The following ZRANB3 variants were observed in gnomAD, a reference collection of about 807,000 sequenced individuals.
ZRANB3 encodes DNA annealing helicase and endonuclease ZRANB3.
In ZRANB3, 125 loss-of-function variants were observed where a neutral mutation model predicts 133.8. That is an observed-to-expected ratio of 0.93 (90% CI 0.81 to 1.08). The LOEUF is 1.08. Among genes scored for constraint, ZRANB3 ranks in the 50% least tolerant of loss-of-function variants. The pLI is 0.00. For synonymous variants in ZRANB3, 387 were observed against 432.7 expected (o/e 0.89, Z 1.31); for missense variants, 1,229 against 1,275.5 (o/e 0.96, Z 0.56).
intron 2 of ZRANB3, among the ~76,000 whole-genome samples, chr2:135,485,169 AAAAC>A (rs1559030613): frequency 1.3e-5 from 2 of 149,552 alleles, no homozygotes; most frequent in African/African-American, 5.0e-5. Flanking sequence ...AAAACAAAAC[AAAAC>A]AAAACAAAAC....
At chr2:135,490,185 C>T (rs930041076) in intron 2 of ZRANB3, among the ~76,000 whole-genome samples, 1 of 152,082 alleles carries the variant, frequency 6.6e-6, no homozygotes, top group South Asian at 2.1e-4. Context: ...GAATTTCTTA[C>T]CCCACAGATG....
intron 2 of ZRANB3, among the ~76,000 whole-genome samples, chr2:135,442,703 TC>T: frequency 6.6e-6 from 1 of 152,252 alleles, no homozygotes; most frequent in Non-Finnish European, 1.5e-5. Context: ...TGGGTATATA[TC>T]CAAAGGATTA....
chr2:135,409,359 G>A (rs933833699), intron 2 of ZRANB3, among the ~76,000 whole-genome samples: 1 of 152,032 alleles, frequency 6.6e-6, no homozygotes, highest in African/African-American at 2.4e-5. Flanking sequence ...CAATATCACT[G>A]CATAAACAGA....
chr2:135,298,934 G>A (rs537444128), intron 8 of ZRANB3, among the ~76,000 whole-genome samples: 2 of 152,250 alleles, frequency 1.3e-5, no homozygotes, highest in Admixed American at 1.3e-4. Flanking sequence ...AATGGCTTGA[G>A]TTGGCTGGCC....
intron 2 of ZRANB3, among the ~76,000 whole-genome samples, chr2:135,428,911 TG>T (rs1476353798): frequency 6.6e-6 from 1 of 152,110 alleles, no homozygotes; most frequent in African/African-American, 2.4e-5. Context: ...TGAAGAGAAA[TG>T]GGAGTATTTA....
At chr2:135,488,222 C>T (rs1264480261) in intron 2 of ZRANB3, among the ~76,000 whole-genome samples, 1 of 152,122 alleles carries the variant, frequency 6.6e-6, no homozygotes, top group Non-Finnish European at 1.5e-5. Flanking sequence ...TGGTATCATT[C>T]ATGGTACCCC....
intron 2 of ZRANB3, among the ~76,000 whole-genome samples, chr2:135,407,664 T>C (rs1357649421): frequency 1.3e-5 from 2 of 151,620 alleles, no homozygotes; most frequent in African/African-American, 2.4e-5. Context: ...TCAGAAATAA[T>C]GCCGAATATC....
At chr2:135,220,249 T>C (rs1483625099) in intron 15 of ZRANB3, among the ~76,000 whole-genome samples, 1 of 151,590 alleles carries the variant, frequency 6.6e-6, no homozygotes, top group African/African-American at 2.4e-5. Flanking sequence ...AGCGGTGTAG[T>C]AGAGCTATTT....
chr2:135,301,942 G>A (rs1012467216), intron 8 of ZRANB3, among the ~76,000 whole-genome samples: 4 of 152,140 alleles, frequency 2.6e-5, no homozygotes, highest in African/African-American at 9.7e-5. Flanking sequence ...AATATGTACT[G>A]AATTAATAGG....
chr2:135,411,785 G>A (rs1046989038), intron 2 of ZRANB3, among the ~76,000 whole-genome samples: 3 of 152,080 alleles, frequency 2.0e-5, no homozygotes, highest in South Asian at 2.1e-4. Context: ...AGGCAAAGGC[G>A]GGCAAGGGTT....
chr2:135,391,396 C>A (rs558019499), intron 2 of ZRANB3, among the ~76,000 whole-genome samples: 290 of 152,224 alleles, frequency 1.9e-3, no homozygotes, highest in African/African-American at 6.5e-3. Flanking sequence ...AAAACGTGAG[C>A]AAAGTGGTAA....
chr2:135,382,360 T>C (rs372781306), intron 3 of ZRANB3, among the ~76,000 whole-genome samples: 1 of 152,152 alleles, frequency 6.6e-6, no homozygotes. Context: ...ACCAAATCTA[T>C]GTCTGATTGG....
chr2:135,449,200 T>C (rs2105002823), intron 2 of ZRANB3, among the ~76,000 whole-genome samples: 1 of 152,272 alleles, frequency 6.6e-6, no homozygotes, highest in East Asian at 1.9e-4. Context: ...CTAAATCAAC[T>C]GACAGACATG....
intron 14 of ZRANB3, among the ~76,000 whole-genome samples, chr2:135,225,303 T>G (rs1573706274): frequency 6.6e-6 from 1 of 152,228 alleles, no homozygotes; most frequent in East Asian, 1.9e-4. Context: ...CTCTCACAGT[T>G]CCTCAGTGAT....
chr2:135,427,267 T>C (rs1023942368), intron 2 of ZRANB3, among the ~76,000 whole-genome samples: 1 of 151,150 alleles, frequency 6.6e-6, no homozygotes, highest in African/African-American at 2.4e-5. Context: ...AGAGAAAGAG[T>C]CAAACTATCT....
intron 8 of ZRANB3, among the ~76,000 whole-genome samples, chr2:135,304,829 TTC>T (rs1421377254): frequency 6.6e-6 from 1 of 152,142 alleles, no homozygotes; most frequent in Non-Finnish European, 1.5e-5. Flanking sequence ...GTTAATGATA[TTC>T]TCTTATTATC....
intron 1 of ZRANB3, among the ~76,000 whole-genome samples, chr2:135,529,762 G>A (rs1694361684): frequency 6.6e-6 from 1 of 151,294 alleles, no homozygotes; most frequent in Non-Finnish European, 1.5e-5. Context: ...TAATCCTCCC[G>A]CCTCGGCCTC....
intron 2 of ZRANB3, among the ~76,000 whole-genome samples, chr2:135,430,934 A>C (rs1311924892): frequency 6.6e-6 from 1 of 152,232 alleles, no homozygotes; most frequent in East Asian, 1.9e-4. Flanking sequence ...AGAAACACAG[A>C]TCTATATGTA....
At chr2:135,317,174 T>C (rs1683305233) in intron 6 of ZRANB3, among the ~76,000 whole-genome samples, 1 of 151,956 alleles carries the variant, frequency 6.6e-6, no homozygotes, top group Non-Finnish European at 1.5e-5. Flanking sequence ...TTGTTATAAA[T>C]TGAATTGCTG....
Sources: gnomAD v4.1 joint callset for allele counts (sites outside exome capture counted in the v4.1 genomes callset) on GRCh38, gnomAD v4.1.1 for gene constraint, MANE v1.5 for transcripts, NCBI Gene and HGNC (gene_info 2026-07-23, HGNC 2026-07-21) for gene names.